The following RBFOX1 variants were observed in gnomAD, a reference collection of about 807,000 sequenced individuals.
The protein encoded by RBFOX1 is RNA binding protein fox-1 homolog 1.
A neutral mutation model predicts 57.7 loss-of-function variants in RBFOX1; 8 were observed. The observed-to-expected ratio is 0.14, with a 90% CI of 0.08 to 0.25. RBFOX1 has a LOEUF of 0.25. Among genes scored for constraint, RBFOX1 ranks in the 10% least tolerant of loss-of-function variants. RBFOX1 has a pLI of 1.00. For missense variants in RBFOX1, 611 were observed against 548.5 expected, an observed-to-expected ratio of 1.11 and a Z score of -1.14; for synonymous variants, 326 against 222.4, an observed-to-expected ratio of 1.47 and a Z score of -4.15.
chr16:7,307,726 A>G (rs1202070842), intron 4 of RBFOX1, among the ~76,000 whole-genome samples: 1 of 152,222 alleles, frequency 6.6e-6, no homozygotes, highest in East Asian at 1.9e-4. Context: ...GAACACACAA[A>G]TTTGTATACA....
intron 1 of RBFOX1, among the ~76,000 whole-genome samples, chr16:6,296,642 G>C (rs1448200679): frequency 6.6e-6 from 1 of 152,050 alleles, no homozygotes; most frequent in Non-Finnish European, 1.5e-5. Context: ...GGATGGTCTC[G>C]ATCTCCTGAC....
intron 1 of RBFOX1, among the ~76,000 whole-genome samples, chr16:5,351,048 C>T (rs189577188): frequency 6.6e-6 from 1 of 152,222 alleles, no homozygotes; most frequent in East Asian, 1.9e-4. Context: ...AAGCAAAAGC[C>T]GTGAACCAGG....
chr16:5,497,622 CAA>C (rs911723996), intron 2 of RBFOX1, among the ~76,000 whole-genome samples: 13 of 53,374 alleles, frequency 2.4e-4, no homozygotes, highest in Admixed American at 3.7e-4. Flanking sequence ...ACTAAAAATA[CAA>C]AAAAAAAAAA....
chr16:7,323,026 C>G (rs1269263178), intron 4 of RBFOX1, among the ~76,000 whole-genome samples: 1 of 152,132 alleles, frequency 6.6e-6, no homozygotes, highest in Non-Finnish European at 1.5e-5. Flanking sequence ...TCTCTCTGCT[C>G]TTTGGATTTG....
chr16:7,241,713 A>G (rs2094070965), intron 4 of RBFOX1, among the ~76,000 whole-genome samples: 1 of 152,164 alleles, frequency 6.6e-6, no homozygotes, highest in Non-Finnish European at 1.5e-5. Flanking sequence ...ATACAAATGG[A>G]CAAATATATA....
At chr16:6,892,142 G>T (rs1310148672) in intron 3 of RBFOX1, among the ~76,000 whole-genome samples, 1 of 152,170 alleles carries the variant, frequency 6.6e-6, no homozygotes, top group Non-Finnish European at 1.5e-5. Flanking sequence ...CCTGGTTGGT[G>T]ATTGCAGACC....
intron 1 of RBFOX1, among the ~76,000 whole-genome samples, chr16:6,244,738 G>A (rs1378252796): frequency 6.6e-6 from 1 of 152,122 alleles, no homozygotes; most frequent in African/African-American, 2.4e-5. Flanking sequence ...TTGAACTCCT[G>A]ACCTCGTGAT....
At chr16:6,799,650 C>G (rs900930888) in intron 3 of RBFOX1, among the ~76,000 whole-genome samples, 1 of 152,076 alleles carries the variant, frequency 6.6e-6, no homozygotes, top group South Asian at 2.1e-4. Context: ...CAGTACAGCT[C>G]GTATAAAGCA....
intron 4 of RBFOX1, among the ~76,000 whole-genome samples, chr16:5,973,931 G>A (rs977736890): frequency 6.6e-6 from 1 of 152,156 alleles, no homozygotes; most frequent in African/African-American, 2.4e-5. Flanking sequence ...TCTGGCATCA[G>A]GATGACCGGC....
intron 4 of RBFOX1, among the ~76,000 whole-genome samples, chr16:7,115,276 A>G (rs1298824654): frequency 6.6e-6 from 1 of 152,114 alleles, no homozygotes; most frequent in Non-Finnish European, 1.5e-5. Context: ...TCACTCATGG[A>G]AAAATGTATT....
chr16:7,138,827 A>C (rs1408701595), intron 4 of RBFOX1, among the ~76,000 whole-genome samples: 1 of 152,064 alleles, frequency 6.6e-6, no homozygotes, highest in Non-Finnish European at 1.5e-5. Context: ...CTTTTTTTAT[A>C]AGATGGAGTC....
At chr16:7,700,166 T>C (rs1395726996) in intron 14 of RBFOX1, among the ~76,000 whole-genome samples, 1 of 152,150 alleles carries the variant, frequency 6.6e-6, no homozygotes, top group African/African-American at 2.4e-5. Flanking sequence ...GGGGTAGCTC[T>C]GACACATGTA....
Position 6,781,329 on chromosome 16 carries a change from A to G in RBFOX1, c.-16+126679A>G, listed in dbSNP as rs77022218. Among the ~76,000 whole-genome samples, 663 of 152,198 alleles carry G rather than the reference A, an allele frequency of 4.4e-3. 4 individuals are homozygous for G. The highest frequency in any genetic ancestry group is 0.016 in the African/African-American group (645 of 41,516). On this transcript the variant is annotated intron_variant, in intron 3 of 15. Transcript: ENST00000550418. ...TTTAATATGTTGAATTTGATTCGGT[A>G]GTATTTTGTTGAGGATTTTTGCATT...
chr16:6,614,359 C>A (rs573556670), intron 2 of RBFOX1, among the ~76,000 whole-genome samples: 51 of 152,308 alleles, frequency 3.3e-4, no homozygotes, highest in African/African-American at 1.2e-3. Flanking sequence ...GAAGAATTAA[C>A]ATCCCTGATT....
intron 2 of RBFOX1, among the ~76,000 whole-genome samples, chr16:6,631,912 G>T (rs2098389757): frequency 1.3e-5 from 2 of 152,204 alleles, no homozygotes; most frequent in South Asian, 2.1e-4. Flanking sequence ...GAGTGAGCAG[G>T]AAAAGGTAGG....
At chr16:6,519,166 G>A (rs972674083) in intron 2 of RBFOX1, among the ~76,000 whole-genome samples, 2 of 151,960 alleles carry the variant, frequency 1.3e-5, no homozygotes, top group Non-Finnish European at 2.9e-5. Flanking sequence ...GATATGGGGG[G>A]AACCGTCTGT....
At chr16:6,271,651 G>A (rs563773849) in intron 1 of RBFOX1, among the ~76,000 whole-genome samples, 1 of 152,278 alleles carries the variant, frequency 6.6e-6, no homozygotes, top group Non-Finnish European at 1.5e-5. Flanking sequence ...CAAAAAGGTA[G>A]TAAGGGAATA....
intron 5 of RBFOX1, among the ~76,000 whole-genome samples, chr16:7,536,822 G>A (rs1332497907): frequency 6.6e-6 from 1 of 152,190 alleles, no homozygotes; most frequent in Non-Finnish European, 1.5e-5. Context: ...ATGGGCATTG[G>A]CAATGCTACA....
chr16:6,121,430 A>G (rs1053808592), intron 1 of RBFOX1, among the ~76,000 whole-genome samples: 1 of 152,202 alleles, frequency 6.6e-6, no homozygotes, highest in African/African-American at 2.4e-5. Flanking sequence ...ATGATGCTTG[A>G]AATCCTTGAT....
Sources: allele counts gnomAD v4.1 joint callset (sites outside exome capture counted in the v4.1 genomes callset), GRCh38; gene constraint gnomAD v4.1.1; transcripts MANE v1.5; gene names NCBI Gene and HGNC (gene_info 2026-07-23, HGNC 2026-07-21).